The following KATNIP variants were observed in gnomAD, a reference collection of about 807,000 sequenced individuals.
The protein encoded by KATNIP is katanin-interacting protein.
KATNIP carries 126 observed loss-of-function variants against 174.0 expected under a neutral mutation model. That is an observed-to-expected ratio of 0.72 (90% CI 0.63 to 0.84). The LOEUF (loss-of-function observed/expected upper bound fraction) is 0.84, where lower values mean the gene tolerates loss of function less well. Among genes scored for constraint, KATNIP ranks in the 40% least tolerant of loss-of-function variants. The pLI is 0.00. For missense variants in KATNIP, 1,958 were observed against 2,109.7 expected, an observed-to-expected ratio of 0.93 and a Z score of 1.41; for synonymous variants, 810 against 835.7, an observed-to-expected ratio of 0.97 and a Z score of 0.53.
chr16:27,738,558 A>G (rs1017837122), intron 14 of KATNIP, among the ~76,000 whole-genome samples: 1 of 152,182 alleles, frequency 6.6e-6, no homozygotes, highest in Non-Finnish European at 1.5e-5. Context: ...CCTGCGTGAC[A>G]TAGGGGCATT....
chr16:27,633,098 G>C (rs896518421), intron 5 of KATNIP, among the ~76,000 whole-genome samples: 1 of 152,088 alleles, frequency 6.6e-6, no homozygotes, highest in Non-Finnish European at 1.5e-5. Context: ...GCCTCCTGGC[G>C]GTTAAGGAGG....
At chr16:27,725,985 C>T (rs2080433779) in intron 14 of KATNIP, among the ~76,000 whole-genome samples, 1 of 152,116 alleles carries the variant, frequency 6.6e-6, no homozygotes, top group African/African-American at 2.4e-5. Context: ...GCCAGGGGTC[C>T]CCAGCCCCCA....
chr16:27,670,522 A>T (rs1196106348), intron 6 of KATNIP, among the ~76,000 whole-genome samples: 1 of 152,110 alleles, frequency 6.6e-6, no homozygotes, highest in Non-Finnish European at 1.5e-5. Flanking sequence ...GCTGTTTGAG[A>T]TGGATGGTGT....
chr16:27,718,921 C>G (rs1329832207), intron 13 of KATNIP: 1 of 152,246 alleles, frequency 6.6e-6, no homozygotes, highest in Non-Finnish European at 1.5e-5. Flanking sequence ...GGAGCCTGGG[C>G]CTTCCATCTC....
chr16:27,555,364 T>C (rs2089573659), intron 1 of KATNIP, among the ~76,000 whole-genome samples: 1 of 152,190 alleles, frequency 6.6e-6, no homozygotes, highest in Non-Finnish European at 1.5e-5. Flanking sequence ...CCTATCTGTT[T>C]CTGTGATGCA....
chr16:27,611,163 A>T lies in KATNIP; in HGVS notation c.64-7262A>T, dbSNP rs1000571879. ...TTCTCAATTAACTAAGACCTATCTC[A>T]GCTATTCGGGATTTACAGAGTCTAT... On this transcript the variant is annotated intron_variant, in intron 2 of 27. Coordinates refer to ENST00000261588, the MANE Select transcript of KATNIP (RefSeq NM_015202.5). Among the ~76,000 whole-genome samples the T allele has an allele frequency of 4.6e-5, 7 of 152,158 alleles. 1 individual carries two copies. Among genetic ancestry groups the T allele is most frequent in the African/African-American group, 1.4e-4 (6 of 41,438 alleles).
chr16:27,761,634 TG>T, intron 19 of KATNIP, 44 bp downstream of exon 19: 1 of 1,531,844 alleles, frequency 6.5e-7, no homozygotes. Flanking sequence ...CACTGGGTTT[TG>T]GGGACATTGT....
At chr16:27,766,225 G>A in intron 19 of KATNIP, 84 bp from the exon 20 acceptor site, 1 of 1,463,718 alleles carries the variant, frequency 6.8e-7, no homozygotes, top group Non-Finnish European at 9.4e-7. Context: ...GGACGTACTT[G>A]GGGCCGAGGG....
intron 5 of KATNIP, among the ~76,000 whole-genome samples, chr16:27,645,517 G>A (rs1475728626): frequency 6.6e-6 from 1 of 152,234 alleles, no homozygotes; most frequent in South Asian, 2.1e-4. Flanking sequence ...GTGGGATGGA[G>A]TTGAGCTGCT....
intron 1 of KATNIP, among the ~76,000 whole-genome samples, chr16:27,563,364 G>A (rs1219842090): frequency 4.6e-5 from 7 of 152,130 alleles, no homozygotes; most frequent in Non-Finnish European, 8.8e-5. Flanking sequence ...AGCAGAAGAG[G>A]GATGTGGGAC....
chr16:27,592,783 G>A (rs1205819717), intron 2 of KATNIP, among the ~76,000 whole-genome samples: 3 of 152,132 alleles, frequency 2.0e-5, no homozygotes, highest in African/African-American at 7.2e-5. Context: ...TCGAACTCCT[G>A]ACCTCAGGTG....
At chr16:27,684,694 G>C (rs551508809) in intron 8 of KATNIP, among the ~76,000 whole-genome samples, 51 of 152,304 alleles carry the variant, frequency 3.3e-4, no homozygotes, top group Middle Eastern at 3.4e-3. Flanking sequence ...TGAAGGCACT[G>C]GGGGGTAGTC....
intron 6 of KATNIP, chr16:27,654,513 G>A: frequency 9.2e-7 from 1 of 1,089,262 alleles, no homozygotes. Context: ...GAGAAGATGG[G>A]AGGCAGGGAG....
chr16:27,572,433 G>C (rs1253706242), intron 1 of KATNIP, among the ~76,000 whole-genome samples: 9 of 150,592 alleles, frequency 6.0e-5, no homozygotes, highest in South Asian at 2.1e-4. Flanking sequence ...GCCAGTTTCA[G>C]ATTAGTTCAT....
At chr16:27,591,751 T>C (rs1233466891) in intron 2 of KATNIP, among the ~76,000 whole-genome samples, 1 of 151,944 alleles carries the variant, frequency 6.6e-6, no homozygotes, top group Non-Finnish European at 1.5e-5. Context: ...ACGCACTCAT[T>C]TTGTGCCATG....
chr16:27,745,126 G>T (rs1175992644), intron 15 of KATNIP, among the ~76,000 whole-genome samples: 1 of 152,136 alleles, frequency 6.6e-6, no homozygotes, highest in Non-Finnish European at 1.5e-5. Flanking sequence ...TTTTCATCAG[G>T]GGTCAGTTGT....
intron 2 of KATNIP, among the ~76,000 whole-genome samples, chr16:27,578,858 G>A (rs558439284): frequency 2.6e-5 from 4 of 151,972 alleles, no homozygotes; most frequent in South Asian, 4.2e-4. Flanking sequence ...GATTACAGGC[G>A]TGAGTCACTG....
At chr16:27,719,025 T>A (rs941967669) in intron 13 of KATNIP, among the ~76,000 whole-genome samples, 9 of 152,102 alleles carry the variant, frequency 5.9e-5, no homozygotes, top group African/African-American at 2.2e-4. Flanking sequence ...TCTGTTGAGA[T>A]GTTCTCAAAT....
intron 14 of KATNIP, among the ~76,000 whole-genome samples, chr16:27,723,183 G>T (rs895378972): frequency 1.1e-4 from 16 of 152,126 alleles, no homozygotes; most frequent in Non-Finnish European, 2.1e-4. Flanking sequence ...CCACCAGGGC[G>T]ATCCAATCAC....
Sources: allele counts gnomAD v4.1 joint callset (sites outside exome capture counted in the v4.1 genomes callset), GRCh38; gene constraint gnomAD v4.1.1; transcripts MANE v1.5; gene names NCBI Gene and HGNC (gene_info 2026-07-23, HGNC 2026-07-21).